Variants in GPR158 observed in about 807,000 individuals in gnomAD.
GPR158 encodes G protein-coupled receptor 158.
A neutral mutation model predicts 78.2 loss-of-function variants in GPR158; 30 were observed. The ratio of observed to expected loss-of-function variants is 0.38; its 90% CI spans 0.29 to 0.52. GPR158 has a LOEUF of 0.52. Among genes scored for constraint, GPR158 ranks in the 20% least tolerant of loss-of-function variants. The probability of loss-of-function intolerance (pLI) is 0.83; values close to 1 mark genes in which losing one functional copy is unlikely to be tolerated. For synonymous variants in GPR158, 581 were observed against 591.1 expected (o/e 0.98, Z 0.25); for missense variants, 1,463 against 1,523.5 (o/e 0.96, Z 0.66).
rs1301293029 is a variant in GPR158 at position 25,380,897 on chromosome 10, G to A, written c.1009-15014G>A. Among the ~76,000 whole-genome samples, 4 of 152,198 alleles carry A rather than the reference G, an allele frequency of 2.6e-5. No homozygotes were observed. The East Asian group carries it at 5.8e-4, about 22-fold the overall frequency. On this transcript the variant is annotated intron_variant, in intron 2 of 10. Coordinates refer to ENST00000376351, the MANE Select transcript of GPR158 (RefSeq NM_020752.3). ...TTACATATAGCTAAAAGGTAGAAGTGATGGAACTTGGAGAGTAAGGAAAAG... is the reference window on the plus strand; with the variant it reads ...TTACATATAGCTAAAAGGTAGAAGTAATGGAACTTGGAGAGTAAGGAAAAG...
intron 5 of GPR158, among the ~76,000 whole-genome samples, chr10:25,499,169 T>A (rs1359606469): frequency 6.6e-6 from 1 of 151,862 alleles, no homozygotes; most frequent in Non-Finnish European, 1.5e-5. Context: ...TTTCTAAAAG[T>A]TTTCTGATTT....
At chr10:25,324,195 G>T (rs575171611) in intron 2 of GPR158, among the ~76,000 whole-genome samples, 1 of 152,158 alleles carries the variant, frequency 6.6e-6, no homozygotes, top group South Asian at 2.1e-4. Flanking sequence ...TAACTGTTTC[G>T]CACGAGAGGC....
At chr10:25,550,183 A>G (rs11014603) in intron 5 of GPR158, among the ~76,000 whole-genome samples, 10,172 of 152,220 alleles carry the variant, frequency 0.067, 871 homozygotes, top group East Asian at 0.49. Context: ...TTGTAGAAAT[A>G]TTTATCACAG....
At chr10:25,570,447 G>A (rs1452125512) in intron 6 of GPR158, among the ~76,000 whole-genome samples, 2 of 152,186 alleles carry the variant, frequency 1.3e-5, no homozygotes, top group Non-Finnish European at 2.9e-5. Context: ...TCACCAAAAT[G>A]TATTATCTAC....
At chr10:25,414,173 G>C (rs1834630405) in intron 4 of GPR158, among the ~76,000 whole-genome samples, 1 of 152,096 alleles carries the variant, frequency 6.6e-6, no homozygotes, top group Non-Finnish European at 1.5e-5. Flanking sequence ...ATACATGGTA[G>C]GTAAAATATT....
intron 2 of GPR158, among the ~76,000 whole-genome samples, chr10:25,329,450 AAAG>A (rs1035020965): frequency 1.2e-4 from 18 of 152,030 alleles, no homozygotes; most frequent in Non-Finnish European, 2.2e-4. Context: ...AAAAAAAAAA[AAAG>A]AAGATGCATT....
intron 1 of GPR158, among the ~76,000 whole-genome samples, chr10:25,185,808 G>GA (rs973363374): frequency 1.9e-3 from 265 of 142,584 alleles, no homozygotes; most frequent in African/African-American, 4.8e-3. Context: ...GGGCGACAGA[G>GA]AAAAAAAAAA....
intron 4 of GPR158, among the ~76,000 whole-genome samples, chr10:25,437,634 C>G (rs1197643080): frequency 6.6e-6 from 1 of 152,120 alleles, no homozygotes; most frequent in Non-Finnish European, 1.5e-5. Flanking sequence ...GCAGTAAATT[C>G]CAGATGGAAA....
intron 5 of GPR158, among the ~76,000 whole-genome samples, chr10:25,502,547 A>G (rs1361796893): frequency 3.9e-5 from 6 of 152,298 alleles, no homozygotes; most frequent in African/African-American, 1.2e-4. Context: ...CTTAGTTTCC[A>G]TGTTCCTGCT....
chr10:25,182,327 T>A (rs187537361), intron 1 of GPR158, among the ~76,000 whole-genome samples: 2 of 152,350 alleles, frequency 1.3e-5, no homozygotes, highest in African/African-American at 4.8e-5. Flanking sequence ...GGCCTCAGTA[T>A]ACCTCTATAA....
chr10:25,175,330 C>T lies in GPR158; in HGVS notation c.-91C>T, dbSNP rs559973565. On this transcript the variant is annotated 5_prime_UTR_variant, in exon 1 of 11. Transcript: ENST00000376351. This position sits in a 1 kb window ranked among gnomAD's most constrained non-coding sequence, Gnocchi z 6.4. ...CATCTGGAGAAGGGGGAAGACTCCT[C>T]GAAAAAGTCTGACTGTTGAGAAACT... is the stretch of plus-strand genomic sequence containing the variant. 92 of 778,230 alleles carry T rather than the reference C, an allele frequency of 1.2e-4. No homozygotes were observed. The highest frequency in any genetic ancestry group is 1.5e-5 in the Non-Finnish European group (7 of 474,446). 48.2% of individuals were successfully genotyped at this position (778,230 alleles called of 1,614,324 possible). A position where few individuals can be genotyped will look rare whatever the true frequency, so the allele number is the denominator to read the frequency against.
At chr10:25,503,115 G>A (rs78865904) in intron 5 of GPR158, among the ~76,000 whole-genome samples, 2,240 of 152,050 alleles carry the variant, frequency 0.015, 61 homozygotes, top group African/African-American at 0.051. Context: ...AGTGGCTCAT[G>A]CCTGTAATCC....
At chr10:25,241,609 A>G (rs1206421484) in intron 2 of GPR158, among the ~76,000 whole-genome samples, 1 of 151,884 alleles carries the variant, frequency 6.6e-6, no homozygotes, top group Non-Finnish European at 1.5e-5. Flanking sequence ...TTTAGTAGAG[A>G]TGGGGTTTCA....
intron 5 of GPR158, among the ~76,000 whole-genome samples, chr10:25,484,482 A>C (rs1356114883): frequency 6.6e-6 from 1 of 152,204 alleles, no homozygotes; most frequent in African/African-American, 2.4e-5. Context: ...GAAATGACAC[A>C]ATTTGGCAGT....
At chr10:25,238,735 C>T (rs963771865) in intron 2 of GPR158, among the ~76,000 whole-genome samples, 1 of 152,174 alleles carries the variant, frequency 6.6e-6, no homozygotes, top group Admixed American at 6.5e-5. Context: ...TGTTTCCATG[C>T]AAGCCGTATC....
intron 4 of GPR158, among the ~76,000 whole-genome samples, chr10:25,443,049 C>T (rs1835089273): frequency 6.6e-6 from 1 of 151,938 alleles, no homozygotes; most frequent in African/African-American, 2.4e-5. Flanking sequence ...GACATGGACC[C>T]TTTCTATAAC....
At chr10:25,454,251 T>G (rs748107679) in intron 4 of GPR158, among the ~76,000 whole-genome samples, 32 of 17,842 alleles carry the variant, frequency 1.8e-3, no homozygotes, top group Non-Finnish European at 2.7e-3. Context: ...ACAACTGATT[T>G]TTGTATGTTG....
chr10:25,390,663 C>G (rs1215594819), intron 2 of GPR158, among the ~76,000 whole-genome samples: 1 of 152,166 alleles, frequency 6.6e-6, no homozygotes. Context: ...ATAATTGGAA[C>G]TTATGTTTAA....
intron 2 of GPR158, among the ~76,000 whole-genome samples, chr10:25,389,739 G>A (rs1452985050): frequency 6.6e-6 from 1 of 152,140 alleles, no homozygotes; most frequent in Non-Finnish European, 1.5e-5. Flanking sequence ...GGGGATCCCA[G>A]ACCTGGAAGC....
Sources: gnomAD v4.1 joint callset for allele counts (sites outside exome capture counted in the v4.1 genomes callset) on GRCh38, gnomAD v4.1.1 for gene constraint, Gnocchi (gnomAD v3.1) non-coding constraint, MANE v1.5 for transcripts, NCBI Gene and HGNC (gene_info 2026-07-23, HGNC 2026-07-21) for gene names.